Variants in GGA3 observed in about 807,000 individuals in gnomAD.
GGA3 encodes the protein golgi associated, gamma adaptin ear containing, ARF binding protein 3.
In GGA3, 57 loss-of-function variants were observed where a neutral mutation model predicts 77.5. That is an observed-to-expected ratio of 0.74 (90% confidence interval 0.59 to 0.92). The LOEUF is 0.92. GGA3 is among the 40% of genes least tolerant of loss of function. The pLI is 0.00. For missense variants in GGA3, 970 were observed against 914.9 expected, an observed-to-expected ratio of 1.06 and a Z score of -0.78; for synonymous variants, 416 against 383.7, an observed-to-expected ratio of 1.08 and a Z score of -0.98.
At chr17:75,261,953 G>C (rs763109951), upstream of GGA3, 20 of 1,607,974 alleles carry the variant, frequency 1.2e-5, no homozygotes, top group African/African-American at 1.3e-4. Context: ...CTGGCGTTGG[G>C]CGTGCGGCGG....
At chr17:75,245,956 C>A (rs1349934812) in intron 3 of GGA3, among the ~76,000 whole-genome samples, 1 of 152,218 alleles carries the variant, frequency 6.6e-6, no homozygotes, top group Non-Finnish European at 1.5e-5. Flanking sequence ...CCTCAGATCT[C>A]GGCTGCTCTT....
intron 3 of GGA3, 43 bp downstream of exon 3, chr17:75,246,466 G>T: frequency 7.6e-7 from 1 of 1,310,924 alleles, no homozygotes; most frequent in Non-Finnish European, 1.1e-6. Flanking sequence ...GCGTGGGCAG[G>T]TGAAGGGCTG....
At chr17:75,251,143 A>G (rs1318048421) in intron 1 of GGA3, among the ~76,000 whole-genome samples, 1 of 152,022 alleles carries the variant, frequency 6.6e-6, no homozygotes, top group Non-Finnish European at 1.5e-5. Flanking sequence ...CATGGGCTGG[A>G]AAGGGAATAA....
At chr17:75,246,179 A>G (rs186268078) in intron 3 of GGA3, among the ~76,000 whole-genome samples, 115 of 152,332 alleles carry the variant, frequency 7.5e-4, no homozygotes, top group African/African-American at 2.7e-3. Flanking sequence ...CAGCCCTGTC[A>G]GCATCTCTTC....
intron 1 of GGA3, among the ~76,000 whole-genome samples, chr17:75,257,374 CTTG>C (rs2077193366): frequency 6.7e-6 from 1 of 149,876 alleles, no homozygotes; most frequent in African/African-American, 2.4e-5. Flanking sequence ...ATGCCCTGCT[CTTG>C]TTTACACTGC....
chr17:75,253,513 G>C (rs928243239), intron 1 of GGA3, among the ~76,000 whole-genome samples: 1 of 152,108 alleles, frequency 6.6e-6, no homozygotes, highest in Non-Finnish European at 1.5e-5. Flanking sequence ...TGCTTTTCTG[G>C]GGGAGGGGCA....
intron 4 of GGA3, 100 bp from the exon 5 acceptor site, chr17:75,243,670 T>G (rs1261159366): frequency 2.5e-6 from 3 of 1,203,038 alleles, no homozygotes; most frequent in Non-Finnish European, 3.5e-6. Flanking sequence ...TCAGCAGCTA[T>G]GGTCCTACTC....
chr17:75,238,786 A>C, intron 15 of GGA3, 24 bp from the exon 16 acceptor site: 1 of 1,595,026 alleles, frequency 6.3e-7, no homozygotes, highest in Non-Finnish European at 8.6e-7. Context: ...AACTCCTTTG[A>C]AGAGAACTGG....
chr17:75,248,897 C>T (rs1052881976), intron 1 of GGA3: 1 of 984,924 alleles, frequency 1.0e-6, no homozygotes, highest in African/African-American at 1.8e-5. Flanking sequence ...AACAGGGCTG[C>T]AGGGATCTGA....
intron 10 of GGA3, 90 bp downstream of exon 10, chr17:75,241,310 A>G: frequency 1.1e-6 from 1 of 883,704 alleles, no homozygotes; most frequent in South Asian, 1.4e-5. Flanking sequence ...GTGCAACACC[A>G]CCACGCTGGC....
Position 75,237,634 on chromosome 17 carries a change from A to G in GGA3, c.*645T>C. 6.6e-7 allele frequency: 1 copy of G among 1,509,790 alleles called. No individual in the cohort carries two copies. Among genetic ancestry groups the G allele is most frequent in the Non-Finnish European group, 8.8e-7 (1 of 1,131,880 alleles). 93.5% of individuals were successfully genotyped at this position (1,509,790 alleles called of 1,614,324 possible). The stretch of plus-strand genomic sequence containing the variant: ...TGTCCTGCCAAGATGTCCATAGGAC[A>G]CAGCCTGCCACTGCCAGGGACAAGC... On this transcript the variant is annotated 3_prime_UTR_variant, in exon 17 of 17. Coordinates refer to ENST00000537686, the MANE Select transcript of GGA3 (RefSeq NM_138619.4).
rs999191549 is a variant in GGA3 at position 75,237,553 on chromosome 17, GCT to G, written c.*724_*725del. The G allele has an allele frequency of 2.5e-5, 39 of 1,535,590 alleles. No individual in the cohort carries two copies. The Admixed American group carries it at 7.5e-4, about 29-fold the overall frequency. ...TGCTTCTGGAGAAGGGGAAATACTG[GCT>G]CTCTTCATTTTCCTTCCTATCCCTA... On this transcript the variant is annotated 3_prime_UTR_variant, in exon 17 of 17. Transcript: ENST00000537686.
At chr17:75,250,736 T>C (rs1234872501) in intron 1 of GGA3, among the ~76,000 whole-genome samples, 2 of 130,086 alleles carry the variant, frequency 1.5e-5, no homozygotes, top group African/African-American at 3.1e-5. Flanking sequence ...CACTCCAGCC[T>C]GGGCAACAGA....
intron 1 of GGA3, among the ~76,000 whole-genome samples, chr17:75,260,895 G>C (rs1033266059): frequency 6.6e-6 from 1 of 151,734 alleles, no homozygotes; most frequent in South Asian, 2.1e-4. Flanking sequence ...GACTCGTTAG[G>C]ATATTCAAGG....
Position 75,237,978 on chromosome 17 carries a change from C to G in GGA3, c.*301G>C, listed in dbSNP as rs1052587188. 1.4e-5 allele frequency: 17 copies of G among 1,195,958 alleles called. No individual in the cohort carries two copies. In the African/African-American group the frequency reaches 2.6e-4, roughly 18 times the overall value. The allele number at this position is 1,195,958 out of a possible 1,614,324, so 74.1% of individuals were successfully genotyped here. On this transcript the variant is annotated 3_prime_UTR_variant, in exon 17 of 17. Coordinates refer to ENST00000537686, the MANE Select transcript of GGA3 (RefSeq NM_138619.4). Reference sequence around the variant, plus strand: ...AATGCCAGTAGAAGGAAGCAAACACCTACGCCAAGCCTGGGGGTCCATGTT... The same window carrying G: ...AATGCCAGTAGAAGGAAGCAAACACGTACGCCAAGCCTGGGGGTCCATGTT...
At chr17:75,245,691 AT>A (rs2076731332) in intron 3 of GGA3, among the ~76,000 whole-genome samples, 1 of 152,128 alleles carries the variant, frequency 6.6e-6, no homozygotes, top group South Asian at 2.1e-4. Flanking sequence ...TGCCTGGCTG[AT>A]TTTTTTATTT....
chr17:75,255,728 A>C (rs1390882049), intron 1 of GGA3, among the ~76,000 whole-genome samples: 1 of 152,170 alleles, frequency 6.6e-6, no homozygotes, highest in Non-Finnish European at 1.5e-5. Context: ...TTATCAACCA[A>C]ATTGTTTTGC....
At chr17:75,246,862 C>T in intron 1 of GGA3, 66 bp from the exon 2 acceptor site, 1 of 1,263,436 alleles carries the variant, frequency 7.9e-7, no homozygotes, top group Non-Finnish European at 1.1e-6. Context: ...GGAAGGTTTT[C>T]TTCGCAAGTT....
chr17:75,243,248 G>A (rs986742350), intron 5 of GGA3, 82 bp from the exon 6 acceptor site: 1 of 1,190,974 alleles, frequency 8.4e-7, no homozygotes, highest in African/African-American at 1.5e-5. Context: ...CCACGTCCCT[G>A]TGATCAAGAC....
Sources: gnomAD v4.1 joint callset for allele counts (sites outside exome capture counted in the v4.1 genomes callset) on GRCh38, gnomAD v4.1.1 for gene constraint, MANE v1.5 for transcripts, NCBI Gene and HGNC (gene_info 2026-07-23, HGNC 2026-07-21) for gene names.